The following PCDHA5 variants were observed in gnomAD, a reference collection of about 807,000 sequenced individuals.
PCDHA5 encodes protocadherin alpha 5.
A neutral mutation model predicts 61.6 loss-of-function variants in PCDHA5; 43 were observed. The observed-to-expected ratio is 0.70, with a 90% confidence interval of 0.55 to 0.90. The LOEUF is 0.90. PCDHA5 is among the 40% of genes least tolerant of loss of function. The pLI, the probability that PCDHA5 is intolerant of heterozygous loss-of-function variation, is 0.00. For missense variants in PCDHA5, 1,298 were observed against 1,222.7 expected (o/e 1.06, Z -0.92); for synonymous variants, 627 against 543.9 (o/e 1.15, Z -2.13).
chr5:140,991,885 A>G (rs1554252463), intron 3 of PCDHA5, among the ~76,000 whole-genome samples: 1 of 152,198 alleles, frequency 6.6e-6, no homozygotes, highest in Non-Finnish European at 1.5e-5. Context: ...GGCTGCCATA[A>G]CAAATTAACA....
intron 1 of PCDHA5, chr5:140,863,200 GC>G: frequency 1.1e-6 from 1 of 918,418 alleles, no homozygotes. Context: ...GGCGTCGCTG[GC>G]GGAGAGCAGC....
chr5:140,836,907 C>A, intron 1 of PCDHA5: 1 of 583,884 alleles, frequency 1.7e-6, no homozygotes, highest in Non-Finnish European at 2.8e-6. Flanking sequence ...GTTTAATATA[C>A]ACTTTTGTTT....
chr5:140,875,731 A>C, intron 1 of PCDHA5: 14 of 1,614,150 alleles, frequency 8.7e-6, no homozygotes, highest in Non-Finnish European at 1.0e-5. Context: ...TTTGTTTGTG[A>C]ATTCTCGGAT....
intron 3 of PCDHA5, among the ~76,000 whole-genome samples, chr5:141,005,628 G>C: frequency 6.7e-6 from 1 of 148,974 alleles, no homozygotes; most frequent in Non-Finnish European, 1.5e-5. Context: ...CGTGAACCCG[G>C]GAGGCGGAGC....
At chr5:140,946,151 C>T (rs943826321) in intron 1 of PCDHA5, among the ~76,000 whole-genome samples, 6 of 151,694 alleles carry the variant, frequency 4.0e-5, no homozygotes, top group East Asian at 1.9e-4. Context: ...ACAAATAACA[C>T]GATTTAAAAG....
rs994045696 is a variant in PCDHA5 at position 140,859,234 on chromosome 5, T to G, written c.2352+35107T>G. 5 of 142,110 alleles carry G rather than the reference T, an allele frequency of 3.5e-5. 2 individuals carry two copies. The highest frequency in any genetic ancestry group is 8.0e-5 in the Non-Finnish European group (5 of 62,814). The allele number at this position is 142,110 out of a possible 1,614,324, so 8.8% of individuals were successfully genotyped here. A position where few individuals can be genotyped will look rare whatever the true frequency, so the allele number is the denominator to read the frequency against. ...CTCTTTCACTTTAAGGAAGGAGTCA[T>G]GCTTATGTTTAATAATGAAGAGAAT... On this transcript the variant is annotated intron_variant, in intron 1 of 3. Transcript: ENST00000529859.
At chr5:140,985,648 C>G (rs185772569) in intron 3 of PCDHA5, among the ~76,000 whole-genome samples, 17 of 152,092 alleles carry the variant, frequency 1.1e-4, no homozygotes, top group African/African-American at 4.1e-4. Flanking sequence ...CCAACACTTG[C>G]AATGGCTGAA....
At chr5:140,838,077 AGTGTGTGTGTGTGTGTGTGTGTGT>A (rs57130401) in intron 1 of PCDHA5, among the ~76,000 whole-genome samples, 5 of 80,700 alleles carry the variant, frequency 6.2e-5, no homozygotes, top group South Asian at 4.3e-4. Context: ...ATATATATAT[AGTGTGTGTGTGTGTGTGTGTGTGT>A]GTGTGTGTGT....
At chr5:140,929,104 A>G in intron 1 of PCDHA5, 1 of 1,614,240 alleles carries the variant, frequency 6.2e-7, no homozygotes. Flanking sequence ...TCCTTGCATG[A>G]CATCAGCCAC....
intron 1 of PCDHA5, chr5:140,862,170 GC>G (rs2047237372): frequency 6.1e-6 from 1 of 164,918 alleles, no homozygotes; most frequent in Non-Finnish European, 1.3e-5. Flanking sequence ...TCAAATACAG[GC>G]AGTTGACACA....
At chr5:140,871,400 C>T (rs146613275) in intron 1 of PCDHA5, 4 of 1,614,128 alleles carry the variant, frequency 2.5e-6, no homozygotes, top group Non-Finnish European at 3.4e-6. Flanking sequence ...CCACCTAAGA[C>T]GGACCTCATG....
intron 3 of PCDHA5, 104 bp from the exon 4 acceptor site, chr5:141,009,523 G>A: frequency 6.7e-7 from 1 of 1,502,140 alleles, no homozygotes; most frequent in Non-Finnish European, 8.9e-7. Flanking sequence ...GATTTTTCTG[G>A]GGAGGTTCAG....
chr5:140,854,230 A>G (rs2043046050), intron 1 of PCDHA5: 3 of 629,370 alleles, frequency 4.8e-6, no homozygotes, highest in Admixed American at 1.3e-4. Flanking sequence ...CTACATTGGG[A>G]TATTTATGTT....
At chr5:140,862,980 C>T in intron 1 of PCDHA5, 1 of 545,508 alleles carries the variant, frequency 1.8e-6, no homozygotes, top group South Asian at 1.4e-5. Flanking sequence ...CACTTGGTGG[C>T]GAAGGTGCGC....
chr5:140,848,258 T>G, intron 1 of PCDHA5: 1 of 479,224 alleles, frequency 2.1e-6, no homozygotes, highest in Non-Finnish European at 3.7e-6. Context: ...AACTGTGAAA[T>G]TTTTATTCAT....
chr5:140,928,105 C>T, intron 1 of PCDHA5: 6 of 1,614,150 alleles, frequency 3.7e-6, no homozygotes, highest in Middle Eastern at 1.6e-4. Flanking sequence ...GCCCCTGGAC[C>T]GGGAGCAGAT....
chr5:140,872,356 G>C (rs2053615726), intron 1 of PCDHA5, among the ~76,000 whole-genome samples: 1 of 152,160 alleles, frequency 6.6e-6, no homozygotes, highest in African/African-American at 2.4e-5. Flanking sequence ...GCCAGGCAAA[G>C]TGGTTCAGGC....
chr5:140,838,073 ATATAGTGTGTGTGTGTGTGT>A (rs1417460358), intron 1 of PCDHA5, among the ~76,000 whole-genome samples: 1 of 126,728 alleles, frequency 7.9e-6, no homozygotes, highest in African/African-American at 3.2e-5. Context: ...AGTTATATAT[ATATAGTGTGTGTGTGTGTGT>A]GTGTGTGTGT....
intron 1 of PCDHA5, among the ~76,000 whole-genome samples, chr5:140,874,942 C>T (rs2055181968): frequency 6.6e-6 from 1 of 152,060 alleles, no homozygotes; most frequent in African/African-American, 2.4e-5. Context: ...ATTGAAACAG[C>T]GGAATTGTAA....
Sources: allele counts gnomAD v4.1 joint callset (sites outside exome capture counted in the v4.1 genomes callset), GRCh38; gene constraint gnomAD v4.1.1; transcripts MANE v1.5; gene names NCBI Gene and HGNC (gene_info 2026-07-23, HGNC 2026-07-21).